SLC44A5: variants seen among roughly 807,000 people sequenced by gnomAD.
SLC44A5 encodes solute carrier family 44 member 5, also known as choline transporter-like protein 5.
In SLC44A5, 57 loss-of-function variants were observed where a neutral mutation model predicts 101.8. The observed-to-expected ratio is 0.56, with a 90% CI of 0.45 to 0.70. The LOEUF is 0.70. Ranked by LOEUF, SLC44A5 falls within the 30% of genes least tolerant of loss-of-function variation. The pLI is 0.00. For missense variants in SLC44A5, 737 were observed against 853.1 expected (o/e 0.86, Z 1.70); for synonymous variants, 281 against 290.9 (o/e 0.97, Z 0.35).
chr1:75,462,518 C>A (rs1666560128), intron 2 of SLC44A5, among the ~76,000 whole-genome samples: 1 of 152,082 alleles, frequency 6.6e-6, no homozygotes, highest in Non-Finnish European at 1.5e-5. Flanking sequence ...CATGAAAACA[C>A]AACATCACCA....
intron 6 of SLC44A5, among the ~76,000 whole-genome samples, chr1:75,273,443 T>C (rs1487855509): frequency 6.6e-6 from 1 of 152,136 alleles, no homozygotes. Context: ...GTAGACATCC[T>C]TGTCTTTTTC....
intron 1 of SLC44A5, among the ~76,000 whole-genome samples, chr1:75,581,935 A>G (rs1673719050): frequency 6.6e-6 from 1 of 152,180 alleles, no homozygotes; most frequent in African/African-American, 2.4e-5. Context: ...TGCTTCTTGT[A>G]CAGCCTGCTG....
the SLC44A5 span, among the ~76,000 whole-genome samples, chr1:75,650,586 G>A: frequency 1.3e-5 from 2 of 152,236 alleles, no homozygotes; most frequent in Admixed American, 1.3e-4. Flanking sequence ...TCTGAACCAA[G>A]TCTAATTATT....
intron 3 of SLC44A5, among the ~76,000 whole-genome samples, chr1:75,375,925 C>G (rs1660555320): frequency 6.6e-6 from 1 of 152,136 alleles, no homozygotes; most frequent in Non-Finnish European, 1.5e-5. Flanking sequence ...ATCTGAGGTA[C>G]CGGGTTCATC....
chr1:75,677,789 C>T, the SLC44A5 span: 48 of 421,278 alleles, frequency 1.1e-4, no homozygotes, highest in South Asian at 8.1e-4. Context: ...CAGCTCCGGT[C>T]TACAGCTCCC....
At chr1:75,620,181 C>T in the SLC44A5 span, among the ~76,000 whole-genome samples, 1 of 152,154 alleles carries the variant, frequency 6.6e-6, no homozygotes, top group Non-Finnish European at 1.5e-5. Context: ...TTTATGGCTG[C>T]ACAGTATTCC....
At chr1:75,419,991 A>G (rs940449467) in intron 2 of SLC44A5, among the ~76,000 whole-genome samples, 2 of 152,098 alleles carry the variant, frequency 1.3e-5, no homozygotes, top group African/African-American at 4.8e-5. Flanking sequence ...AACTCCCAAG[A>G]TGATGGAATT....
chr1:75,571,389 T>C (rs554847182), intron 1 of SLC44A5, among the ~76,000 whole-genome samples: 3 of 152,230 alleles, frequency 2.0e-5, no homozygotes, highest in African/African-American at 7.2e-5. Flanking sequence ...AGAAAGTACA[T>C]AGAGGGGAGA....
At chr1:75,719,992 CCT>C in the SLC44A5 span, among the ~76,000 whole-genome samples, 1 of 152,146 alleles carries the variant, frequency 6.6e-6, no homozygotes, top group Admixed American at 6.5e-5. Context: ...GTGGACTTCC[CCT>C]GTTCTGGGAA....
At chr1:75,214,962 A>G (rs1197337127) in intron 19 of SLC44A5, among the ~76,000 whole-genome samples, 2 of 152,174 alleles carry the variant, frequency 1.3e-5, no homozygotes, top group Non-Finnish European at 2.9e-5. Flanking sequence ...ATTCCAGATA[A>G]TGGCTTCTGT....
intron 4 of SLC44A5, among the ~76,000 whole-genome samples, chr1:75,306,804 G>T (rs1223670365): frequency 2.9e-5 from 4 of 136,640 alleles, no homozygotes; most frequent in African/African-American, 1.1e-4. Context: ...GAGCAATCTC[G>T]GCTCACTGCA....
intron 18 of SLC44A5, 47 bp downstream of exon 18, chr1:75,217,818 CA>C: frequency 7.9e-7 from 1 of 1,265,612 alleles, no homozygotes; most frequent in Non-Finnish European, 1.2e-6. Context: ...CCCCAACCCC[CA>C]ACCCAATTTA....
intron 4 of SLC44A5, among the ~76,000 whole-genome samples, chr1:75,326,704 T>C (rs1427343835): frequency 3.9e-5 from 6 of 152,178 alleles, no homozygotes; most frequent in African/African-American, 1.4e-4. Flanking sequence ...GGCAGTGGGA[T>C]AGGAAATCAA....
intron 3 of SLC44A5, among the ~76,000 whole-genome samples, chr1:75,375,628 C>T (rs1472396375): frequency 1.3e-5 from 2 of 152,010 alleles, no homozygotes; most frequent in Non-Finnish European, 2.9e-5. Context: ...AAAGGGAACC[C>T]CATCAGGTGA....
rs533561264 is a variant in SLC44A5 at position 75,275,041 on chromosome 1, G to C, written c.177C>G (p.Ala59=). 69 of 1,612,288 alleles carry C rather than the reference G, an allele frequency of 4.3e-5. No individual in the cohort carries two copies. The Admixed American group carries it at 1.1e-3, about 25-fold the overall frequency. The change falls in exon 6 of 24, where the codon GCC becomes GCG. Residue 59 remains alanine, a splice_region_variant and synonymous_variant. Transcript: ENST00000370859. ...IIGYIVLGLV[A]WVHGDPRRAA... ...CTCTTCTGGGGTCCCCATGTACCCAGGCTGCAGGAACAAGAAAGGACAAAT... is the reference window on the plus strand; with the variant it reads ...CTCTTCTGGGGTCCCCATGTACCCACGCTGCAGGAACAAGAAAGGACAAAT...
intron 1 of SLC44A5, among the ~76,000 whole-genome samples, chr1:75,549,042 T>C (rs907604796): frequency 1.3e-5 from 2 of 152,156 alleles, no homozygotes; most frequent in African/African-American, 2.4e-5. Context: ...ACAATCCTCG[T>C]TGAAGACAGA....
At chr1:75,641,617 G>A in the SLC44A5 span, 8 of 1,498,180 alleles carry the variant, frequency 5.3e-6, no homozygotes, top group South Asian at 7.9e-5. Flanking sequence ...GATTATTTGG[G>A]TCACGGTTCA....
At chr1:75,576,680 G>A (rs1349839472) in intron 1 of SLC44A5, among the ~76,000 whole-genome samples, 1 of 152,098 alleles carries the variant, frequency 6.6e-6, no homozygotes, top group Non-Finnish European at 1.5e-5. Flanking sequence ...GATCTGATGG[G>A]TGGTAGAGTT....
intron 3 of SLC44A5, among the ~76,000 whole-genome samples, chr1:75,372,312 A>C (rs1327216782): frequency 6.6e-6 from 1 of 152,140 alleles, no homozygotes; most frequent in East Asian, 1.9e-4. Context: ...TTTTTCCTTA[A>C]ATTTACACTT....
Sources: gnomAD v4.1 joint callset for allele counts (sites outside exome capture counted in the v4.1 genomes callset) on GRCh38, gnomAD v4.1.1 for gene constraint, MANE v1.5 for transcripts, NCBI Gene and HGNC (gene_info 2026-07-23, HGNC 2026-07-21) for gene names.